The following NXPE4 variants were observed in gnomAD, a reference collection of about 807,000 sequenced individuals.
NXPE4 encodes neurexophilin and PC-esterase domain family member 4, also known as NXPE family member 4.
Under a neutral mutation model 33.3 loss-of-function variants are expected in NXPE4, and 42 were observed. The ratio of observed to expected loss-of-function variants is 1.26; its 90% CI spans 0.98 to 1.63. The LOEUF (loss-of-function observed/expected upper bound fraction) is 1.63. NXPE4 is among the 40% of genes most tolerant of loss of function. The pLI is 0.00. For missense variants in NXPE4, 709 were observed against 647.6 expected, an observed-to-expected ratio of 1.09 and a Z score of -1.03; for synonymous variants, 253 against 234.9, an observed-to-expected ratio of 1.08 and a Z score of -0.71.
the NXPE4 span, among the ~76,000 whole-genome samples, chr11:114,637,061 G>A: frequency 6.6e-6 from 1 of 151,830 alleles, no homozygotes; most frequent in Non-Finnish European, 1.5e-5. Context: ...TTGACAGTGG[G>A]GTGTTAAAGT....
At chr11:114,663,554 CCTGT>C in the NXPE4 span, among the ~76,000 whole-genome samples, 2 of 151,254 alleles carry the variant, frequency 1.3e-5, no homozygotes, top group Non-Finnish European at 2.9e-5. Flanking sequence ...TTCACCATCT[CCTGT>C]CTATCTCTAT....
chr11:114,674,070 G>T, the NXPE4 span, among the ~76,000 whole-genome samples: 1 of 149,826 alleles, frequency 6.7e-6, no homozygotes, highest in Non-Finnish European at 1.5e-5. Flanking sequence ...GGGCCTCCAG[G>T]GGCTGGTGGA....
chr11:114,579,630 C>T (rs1399486964), intron 5 of NXPE4, among the ~76,000 whole-genome samples: 2 of 152,150 alleles, frequency 1.3e-5, no homozygotes, highest in Admixed American at 1.3e-4. Flanking sequence ...ATTCTAAATG[C>T]ACTGTATGCA....
chr11:114,611,311 T>G, the NXPE4 span, among the ~76,000 whole-genome samples: 1 of 151,868 alleles, frequency 6.6e-6, no homozygotes, highest in South Asian at 2.1e-4. Flanking sequence ...GGGTAATCAC[T>G]GTTACCCAGT....
chr11:114,571,566 T>C (rs920010569), intron 5 of NXPE4, 93 bp from the exon 6 acceptor site: 1 of 1,117,258 alleles, frequency 9.0e-7, no homozygotes, highest in African/African-American at 1.6e-5. Flanking sequence ...TTGGTATAAT[T>C]AAATAAGCTA....
At chr11:114,575,243 T>C (rs140794311) in intron 5 of NXPE4, among the ~76,000 whole-genome samples, 2,652 of 152,120 alleles carry the variant, frequency 0.017, 75 homozygotes, top group African/African-American at 0.061. Flanking sequence ...TAATACTGAA[T>C]GGGGAAAAGT....
chr11:114,622,092 A>G, the NXPE4 span, among the ~76,000 whole-genome samples: 3 of 151,784 alleles, frequency 2.0e-5, no homozygotes, highest in Non-Finnish European at 4.4e-5. Context: ...GATAATAAGT[A>G]CTGCCTCATC....
At chr11:114,585,924 C>A (rs1213389492) in intron 2 of NXPE4, among the ~76,000 whole-genome samples, 4 of 152,092 alleles carry the variant, frequency 2.6e-5, no homozygotes, top group African/African-American at 9.7e-5. Flanking sequence ...TTCTTTGTCA[C>A]CATGTGTACA....
chr11:114,658,355 G>C, the NXPE4 span, among the ~76,000 whole-genome samples: 1 of 152,312 alleles, frequency 6.6e-6, no homozygotes, highest in African/African-American at 2.4e-5. Context: ...TGAGAGTATA[G>C]AATTTCCGGG....
chr11:114,643,451 G>T, the NXPE4 span, among the ~76,000 whole-genome samples: 3 of 151,946 alleles, frequency 2.0e-5, no homozygotes, highest in African/African-American at 7.2e-5. Flanking sequence ...TAAGGAAGGG[G>T]TCCAGTTTCA....
chr11:114,583,787 C>A, intron 2 of NXPE4: 2 of 447,314 alleles, frequency 4.5e-6, no homozygotes, highest in East Asian at 5.4e-5. Flanking sequence ...TGATATTCAC[C>A]ATGATGATGG....
chr11:114,573,492 C>A (rs997229823), intron 5 of NXPE4, among the ~76,000 whole-genome samples: 2 of 151,872 alleles, frequency 1.3e-5, no homozygotes, highest in Non-Finnish European at 2.9e-5. Flanking sequence ...CATAAGAACT[C>A]ACATAAACTT....
At chr11:114,655,642 T>C in the NXPE4 span, among the ~76,000 whole-genome samples, 10 of 152,294 alleles carry the variant, frequency 6.6e-5, no homozygotes, top group South Asian at 2.1e-3. Context: ...TGTAGATGTG[T>C]GGTATTATTT....
At chr11:114,576,824 A>G (rs1021527576) in intron 5 of NXPE4, among the ~76,000 whole-genome samples, 1 of 151,714 alleles carries the variant, frequency 6.6e-6, no homozygotes, top group Admixed American at 6.6e-5. Flanking sequence ...TGATCCAGCA[A>G]TCCTGCTTCT....
chr11:114,573,856 A>G (rs1223302756), intron 5 of NXPE4, among the ~76,000 whole-genome samples: 1 of 152,084 alleles, frequency 6.6e-6, no homozygotes, highest in East Asian at 1.9e-4. Context: ...CCTAAAACAA[A>G]TGAACTTAAC....
the NXPE4 span, among the ~76,000 whole-genome samples, chr11:114,601,918 A>AT: frequency 1.8e-5 from 1 of 55,960 alleles, no homozygotes; most frequent in Non-Finnish European, 3.3e-5. Context: ...ATATAATTAT[A>AT]TATAATATAT....
the NXPE4 span, among the ~76,000 whole-genome samples, chr11:114,633,749 A>G: frequency 2.5e-3 from 387 of 152,020 alleles, 2 homozygotes; most frequent in African/African-American, 8.8e-3. Context: ...TTTACTGAGA[A>G]TGATGATTTC....
chr11:114,598,283 T>C (rs1288145115), upstream of NXPE4, among the ~76,000 whole-genome samples: 1 of 21,300 alleles, frequency 4.7e-5, no homozygotes, highest in Non-Finnish European at 9.8e-5. Context: ...GCTCTGCCCC[T>C]GTGGCTTTGT....
At chr11:114,595,382 G>A (rs1298174741) in intron 1 of NXPE4, among the ~76,000 whole-genome samples, 4 of 152,036 alleles carry the variant, frequency 2.6e-5, no homozygotes, top group Non-Finnish European at 4.4e-5. Context: ...GGAATTCCAA[G>A]TTCTCTTTTA....
Sources: gnomAD v4.1 joint callset for allele counts (sites outside exome capture counted in the v4.1 genomes callset) on GRCh38, gnomAD v4.1.1 for gene constraint, MANE v1.5 for transcripts, NCBI Gene and HGNC (gene_info 2026-07-23, HGNC 2026-07-21) for gene names.